Variants in ATP10A observed in about 807,000 individuals in gnomAD.
ATP10A encodes the protein ATPase phospholipid transporting 10A (putative), also known as phospholipid-transporting ATPase VA.
Under a neutral mutation model 147.8 loss-of-function variants are expected in ATP10A, and 111 were observed. That is an observed-to-expected ratio of 0.75 (90% confidence interval 0.64 to 0.88). The LOEUF (loss-of-function observed/expected upper bound fraction) is 0.88. ATP10A is among the 40% of genes least tolerant of loss of function. The probability of loss-of-function intolerance (pLI) is 0.00; values close to 1 mark genes in which losing one functional copy is unlikely to be tolerated. For missense variants in ATP10A, 1,927 were observed against 1,959.0 expected (o/e 0.98, Z 0.31); for synonymous variants, 875 against 841.6 (o/e 1.04, Z -0.69).
chr15:25,720,754 C>A (rs1332351863), intron 7 of ATP10A, among the ~76,000 whole-genome samples: 1 of 152,192 alleles, frequency 6.6e-6, no homozygotes, highest in East Asian at 1.9e-4. Flanking sequence ...ACTATGACTG[C>A]TTTCATTTTG....
intron 1 of ATP10A, among the ~76,000 whole-genome samples, chr15:25,837,359 G>C (rs187301473): frequency 6.6e-6 from 1 of 152,300 alleles, no homozygotes; most frequent in East Asian, 1.9e-4. Context: ...AGGAAATCCT[G>C]CCATTTGCAA....
At chr15:25,742,096 G>A (rs1161832705) in intron 2 of ATP10A, among the ~76,000 whole-genome samples, 1 of 152,244 alleles carries the variant, frequency 6.6e-6, no homozygotes, top group Non-Finnish European at 1.5e-5. Flanking sequence ...GAAGTGATAA[G>A]TAGGTTGGCC....
chr15:25,714,657 G>A (rs1421111543), intron 9 of ATP10A, among the ~76,000 whole-genome samples: 3 of 152,038 alleles, frequency 2.0e-5, no homozygotes, highest in African/African-American at 7.2e-5. Context: ...GGTGGCATCT[G>A]CAGGCTTCTT....
chr15:25,824,435 C>A (rs1438650101), intron 1 of ATP10A, among the ~76,000 whole-genome samples: 1 of 148,814 alleles, frequency 6.7e-6, no homozygotes, highest in Non-Finnish European at 1.5e-5. Context: ...GATCACACCA[C>A]TGCACTCCAG....
chr15:25,809,671 G>C (rs1168272600), intron 1 of ATP10A, among the ~76,000 whole-genome samples: 1 of 151,306 alleles, frequency 6.6e-6, no homozygotes, highest in Non-Finnish European at 1.5e-5. Context: ...TATGTACTAC[G>C]TGCCTGAGAA....
In ATP10A at chr15:25,846,111, C is replaced by A. The variant is rs142725166; in HGVS notation, c.449+16537G>T. Among the ~76,000 whole-genome samples the A allele has an allele frequency of 7.9e-5, 12 of 152,198 alleles. No homozygotes were observed. The East Asian group carries it at 2.3e-3, about 30-fold the overall frequency. On this transcript the variant is annotated intron_variant, in intron 1 of 20. Transcript: ENST00000555815. Reference sequence around the variant, plus strand: ...GTGAGACACCCAGGGCAGTCCACTTCGTAGAGGCTGAATGCAGAACGGTTG... The same window carrying A: ...GTGAGACACCCAGGGCAGTCCACTTAGTAGAGGCTGAATGCAGAACGGTTG...
intron 5 of ATP10A, 86 bp from the exon 6 acceptor site, chr15:25,724,107 T>C: frequency 7.6e-7 from 1 of 1,318,422 alleles, no homozygotes; most frequent in Non-Finnish European, 1.0e-6. Flanking sequence ...AACTTTAATA[T>C]TTGTTACCTG....
intron 2 of ATP10A, among the ~76,000 whole-genome samples, chr15:25,752,605 C>T (rs1596817083): frequency 2.6e-5 from 4 of 152,060 alleles, no homozygotes; most frequent in Admixed American, 2.0e-4. Context: ...GTGAATCTTC[C>T]AACTTCATTC....
intron 2 of ATP10A, among the ~76,000 whole-genome samples, chr15:25,753,990 G>A (rs1888289437): frequency 6.6e-6 from 1 of 152,090 alleles, no homozygotes; most frequent in Admixed American, 6.5e-5. Context: ...GTAGAGATGG[G>A]AGTCTTGCCA....
At chr15:25,696,365 G>A (rs772169243) in intron 13 of ATP10A, among the ~76,000 whole-genome samples, 8 of 152,198 alleles carry the variant, frequency 5.3e-5, no homozygotes, top group Non-Finnish European at 1.0e-4. Context: ...AGGAGAGGGA[G>A]AGCTTTGCTT....
At chr15:25,685,868 A>G (rs8028506) in intron 16 of ATP10A, among the ~76,000 whole-genome samples, 25,544 of 151,476 alleles carry the variant, frequency 0.17, 2,381 homozygotes, top group South Asian at 0.28. Flanking sequence ...TAACTTGCTC[A>G]AGAACCCACA....
At chr15:25,864,541 C>A (rs76881655), upstream of ATP10A, among the ~76,000 whole-genome samples, 934 of 152,298 alleles carry the variant, frequency 6.1e-3, 1 homozygote, top group Non-Finnish European at 0.011. Context: ...GACATTCTTA[C>A]ATCTCTGCCC....
chr15:25,851,178 T>C (rs1232397621), intron 1 of ATP10A, among the ~76,000 whole-genome samples: 1 of 152,086 alleles, frequency 6.6e-6, no homozygotes, highest in African/African-American at 2.4e-5. Flanking sequence ...GCAGATCTGA[T>C]GCTGAAACAG....
intron 1 of ATP10A, among the ~76,000 whole-genome samples, chr15:25,794,001 A>G (rs867803458): frequency 5.9e-5 from 9 of 152,322 alleles, no homozygotes; most frequent in Middle Eastern, 3.4e-3. Flanking sequence ...CAGGATGTGT[A>G]TGGGAGGGAG....
At chr15:25,680,787 G>A (rs774092070) in intron 19 of ATP10A, 23 bp downstream of exon 19, 14 of 1,592,216 alleles carry the variant, frequency 8.8e-6, no homozygotes, top group Admixed American at 3.3e-5. Context: ...CTTCTGAGAC[G>A]TGGCCATGCA....
chr15:25,720,904 C>A (rs1293292779), intron 7 of ATP10A, among the ~76,000 whole-genome samples: 1 of 152,164 alleles, frequency 6.6e-6, no homozygotes. Flanking sequence ...TCCCTCTGTC[C>A]GGTTTTAATT....
intron 1 of ATP10A, among the ~76,000 whole-genome samples, chr15:25,835,882 CG>C (rs1361386719): frequency 2.6e-5 from 4 of 152,162 alleles, no homozygotes; most frequent in African/African-American, 9.7e-5. Flanking sequence ...GGTGCAATCT[CG>C]GCTCACTGCC....
chr15:25,781,619 C>T (rs1382034155), intron 1 of ATP10A, among the ~76,000 whole-genome samples: 1 of 151,326 alleles, frequency 6.6e-6, no homozygotes, highest in Non-Finnish European at 1.5e-5. Flanking sequence ...CACACTACTG[C>T]ACTCCAGCCT....
At chr15:25,735,003 C>CGGGGGGGGGGGGGG (rs774115891) in intron 3 of ATP10A, among the ~76,000 whole-genome samples, 1 of 131,980 alleles carries the variant, frequency 7.6e-6, no homozygotes, top group African/African-American at 2.9e-5. Flanking sequence ...GTGGTGGGAG[C>CGGGGGGGGGGGGGG]GGGGGGGGGG....
Sources: allele counts gnomAD v4.1 joint callset (sites outside exome capture counted in the v4.1 genomes callset), GRCh38; gene constraint gnomAD v4.1.1; transcripts MANE v1.5; gene names NCBI Gene and HGNC (gene_info 2026-07-23, HGNC 2026-07-21).